DIAPH3: variants seen among roughly 807,000 people sequenced by gnomAD.
The protein encoded by DIAPH3 is protein diaphanous homolog 3.
A neutral mutation model predicts 144.3 loss-of-function variants in DIAPH3; 117 were observed. That is an observed-to-expected ratio of 0.81 (90% CI 0.70 to 0.95). The LOEUF is 0.95. Among genes scored for constraint, DIAPH3 ranks in the 40% least tolerant of loss-of-function variants. The pLI is 0.00. For missense variants in DIAPH3, 1,421 were observed against 1,412.7 expected, an observed-to-expected ratio of 1.01 and a Z score of -0.09; for synonymous variants, 519 against 488.9, an observed-to-expected ratio of 1.06 and a Z score of -0.81.
chr13:59,927,500 TTA>T (rs1159382633), intron 17 of DIAPH3, among the ~76,000 whole-genome samples: 1 of 152,178 alleles, frequency 6.6e-6, no homozygotes, highest in Non-Finnish European at 1.5e-5. Flanking sequence ...CTTTTTACTT[TTA>T]TGTGTTTTAA....
chr13:59,827,276 C>A (rs1029992885), intron 24 of DIAPH3, among the ~76,000 whole-genome samples: 9 of 152,036 alleles, frequency 5.9e-5, no homozygotes. Flanking sequence ...TTTTCGCAAC[C>A]TACTCATCTG....
intron 21 of DIAPH3, among the ~76,000 whole-genome samples, chr13:59,867,096 A>C (rs748128034): frequency 9.4e-5 from 14 of 149,090 alleles, no homozygotes; most frequent in Non-Finnish European, 2.1e-4. Context: ...TATATATTTT[A>C]AATAATCATT....
At chr13:59,676,376 G>A (rs2032645253) in intron 27 of DIAPH3, among the ~76,000 whole-genome samples, 1 of 152,118 alleles carries the variant, frequency 6.6e-6, no homozygotes, top group Non-Finnish European at 1.5e-5. Flanking sequence ...TGGCTCTGTT[G>A]ATTTTTTCCA....
rs571637699 is a variant in DIAPH3 at position 59,756,485 on chromosome 13, G to A, written c.3319+17704C>T. 4.0e-5 allele frequency among the ~76,000 whole-genome samples: 6 copies of A among 148,752 alleles called. No individual in the cohort carries two copies. In the South Asian group the frequency reaches 1.3e-3, roughly 32 times the overall value. On this transcript the variant is annotated intron_variant, in intron 27 of 27. Transcript: ENST00000400324. ...GGAAGGAAAGAAGGAAGGAAGGAAG[G>A]AGGGAAGGAAGGCAGGCAGGCAGGC...
At chr13:60,072,174 C>T (rs1486625117) in intron 4 of DIAPH3, among the ~76,000 whole-genome samples, 1 of 152,162 alleles carries the variant, frequency 6.6e-6, no homozygotes, top group Non-Finnish European at 1.5e-5. Flanking sequence ...TGCGCATCTG[C>T]CAATCTCCTG....
intron 17 of DIAPH3, among the ~76,000 whole-genome samples, chr13:59,931,091 T>G (rs564041632): frequency 5.3e-5 from 8 of 152,258 alleles, no homozygotes; most frequent in African/African-American, 1.9e-4. Flanking sequence ...CTCCCAACTA[T>G]TTTCTTCAGC....
intron 25 of DIAPH3, among the ~76,000 whole-genome samples, chr13:59,807,189 T>C (rs538328953): frequency 3.7e-5 from 5 of 135,618 alleles, no homozygotes; most frequent in Admixed American, 3.2e-4. Flanking sequence ...ACATTAATAA[T>C]TGTGTTGATT....
intron 27 of DIAPH3, among the ~76,000 whole-genome samples, chr13:59,743,584 T>C (rs74832820): frequency 0.048 from 7,331 of 152,144 alleles, 254 homozygotes; most frequent in South Asian, 0.11. Flanking sequence ...AAAGTGCAAA[T>C]ATTCCTTTTC....
At chr13:60,137,741 AC>A (rs1458590913) in intron 1 of DIAPH3, among the ~76,000 whole-genome samples, 9 of 133,258 alleles carry the variant, frequency 6.8e-5, no homozygotes, top group Admixed American at 2.3e-4. Flanking sequence ...ATTAAAATTG[AC>A]TTTTTTTTTT....
At chr13:60,112,542 C>T (rs547335946) in intron 2 of DIAPH3, among the ~76,000 whole-genome samples, 2 of 152,246 alleles carry the variant, frequency 1.3e-5, no homozygotes, top group East Asian at 3.9e-4. Flanking sequence ...CAAACTAGTA[C>T]TCACTGTCCC....
rs138457317 is a variant in DIAPH3 at position 59,952,210 on chromosome 13, C to T, written c.2074+17734G>A. ...CATCCAGAACACATAAATTTATAGG[C>T]AGAAAACAGATTGGTGATTGCCAGG... On this transcript the variant is annotated intron_variant, in intron 17 of 27. Transcript: ENST00000400324. Among the ~76,000 whole-genome samples the T allele has an allele frequency of 4.0e-3, 602 of 152,028 alleles. 5 individuals carry two copies. The highest frequency in any genetic ancestry group is 0.014 in the African/African-American group (585 of 41,472).
intron 6 of DIAPH3, 34 bp downstream of exon 6, chr13:60,016,037 T>C (rs751470612): frequency 1.9e-6 from 3 of 1,610,294 alleles, no homozygotes; most frequent in Non-Finnish European, 2.5e-6. Context: ...ATATGAATGA[T>C]GCTTACTTGA....
chr13:59,791,705 A>T (rs898862387), intron 25 of DIAPH3, among the ~76,000 whole-genome samples: 2 of 152,218 alleles, frequency 1.3e-5, no homozygotes, highest in Non-Finnish European at 2.9e-5. Flanking sequence ...AGTAGCTTTC[A>T]GAGCAGGAAA....
At chr13:60,029,290 T>A (rs1467815558) in intron 5 of DIAPH3, among the ~76,000 whole-genome samples, 1 of 152,098 alleles carries the variant, frequency 6.6e-6, no homozygotes, top group Non-Finnish European at 1.5e-5. Context: ...CCACCACTGC[T>A]ACAATCCTTA....
intron 4 of DIAPH3, among the ~76,000 whole-genome samples, chr13:60,068,671 CCA>C (rs918593523): frequency 4.6e-5 from 7 of 152,118 alleles, no homozygotes; most frequent in African/African-American, 1.7e-4. Context: ...CAAGTAGGCT[CCA>C]GTGTCTATTG....
chr13:59,755,041 A>G (rs2037187854), intron 27 of DIAPH3, among the ~76,000 whole-genome samples: 1 of 152,198 alleles, frequency 6.6e-6, no homozygotes, highest in Admixed American at 6.5e-5. Flanking sequence ...CAGACCTATG[A>G]ACTATACGTT....
chr13:60,068,712 A>G (rs1234393146), intron 4 of DIAPH3, among the ~76,000 whole-genome samples: 1 of 152,026 alleles, frequency 6.6e-6, no homozygotes, highest in South Asian at 2.1e-4. Flanking sequence ...TGTGTATTCA[A>G]TGTTTAGCTT....
At chr13:59,859,138 T>C (rs2139912949) in intron 22 of DIAPH3, among the ~76,000 whole-genome samples, 1 of 152,174 alleles carries the variant, frequency 6.6e-6, no homozygotes, top group East Asian at 1.9e-4. Context: ...AATAAAGTAA[T>C]ATAATAATAA....
intron 24 of DIAPH3, among the ~76,000 whole-genome samples, chr13:59,830,498 T>C (rs757204186): frequency 2.0e-5 from 3 of 151,810 alleles, no homozygotes; most frequent in Non-Finnish European, 4.4e-5. Context: ...AATGTGTGTG[T>C]GGTGGTAGTG....
Sources: gnomAD v4.1 joint callset for allele counts (sites outside exome capture counted in the v4.1 genomes callset) on GRCh38, gnomAD v4.1.1 for gene constraint, MANE v1.5 for transcripts, NCBI Gene and HGNC (gene_info 2026-07-23, HGNC 2026-07-21) for gene names.